SCHIP1: variants seen among roughly 807,000 people sequenced by gnomAD.
SCHIP1 encodes schwannomin-interacting protein 1.
In SCHIP1, 8 loss-of-function variants were observed where a neutral mutation model predicts 29.7. The ratio of observed to expected loss-of-function variants is 0.27; its 90% CI spans 0.16 to 0.49. The LOEUF is 0.49. Among genes scored for constraint, SCHIP1 ranks in the 20% least tolerant of loss-of-function variants. The probability of loss-of-function intolerance (pLI) is 0.99; values close to 1 mark genes in which losing one functional copy is unlikely to be tolerated. For synonymous variants in SCHIP1, 76 were observed against 94.9 expected, an observed-to-expected ratio of 0.80 and a Z score of 1.16; for missense variants, 193 against 294.6, an observed-to-expected ratio of 0.66 and a Z score of 2.52.
At chr3:159,746,971 T>C in the SCHIP1 span, among the ~76,000 whole-genome samples, 267 of 152,310 alleles carry the variant, frequency 1.8e-3, no homozygotes, top group African/African-American at 6.3e-3. Context: ...ACCTTTTCCA[T>C]AGCACTCTTT....
the SCHIP1 span, among the ~76,000 whole-genome samples, chr3:159,717,262 G>T: frequency 6.6e-3 from 1,005 of 152,226 alleles, 24 homozygotes; most frequent in East Asian, 0.064. Flanking sequence ...AGCACTAAAT[G>T]CCCACAAGAG....
chr3:159,695,447 G>A, the SCHIP1 span, among the ~76,000 whole-genome samples: 61 of 152,110 alleles, frequency 4.0e-4, no homozygotes, highest in African/African-American at 1.0e-3. Flanking sequence ...CCAATCCTGC[G>A]TTCTACCTTC....
the SCHIP1 span, among the ~76,000 whole-genome samples, chr3:159,419,835 A>G: frequency 6.6e-6 from 1 of 152,182 alleles, no homozygotes; most frequent in Admixed American, 6.5e-5. Context: ...ATGATATCTT[A>G]TAATTGTGGA....
chr3:159,896,169 G>A (rs1187345211), intron 6 of SCHIP1, among the ~76,000 whole-genome samples: 1 of 152,194 alleles, frequency 6.6e-6, no homozygotes, highest in African/African-American at 2.4e-5. Flanking sequence ...TTGGCTCCAG[G>A]TTTCTGTCAG....
At chr3:159,712,918 G>A in the SCHIP1 span, among the ~76,000 whole-genome samples, 181 of 151,658 alleles carry the variant, frequency 1.2e-3, no homozygotes, top group African/African-American at 4.3e-3. Flanking sequence ...TCCCACTTTG[G>A]GAGGCCAAGG....
the SCHIP1 span, among the ~76,000 whole-genome samples, chr3:159,493,207 A>C: frequency 6.6e-6 from 1 of 152,194 alleles, no homozygotes; most frequent in Non-Finnish European, 1.5e-5. Flanking sequence ...CGAGCAAAAT[A>C]ACCAGCTAAC....
At chr3:159,644,118 C>T in the SCHIP1 span, among the ~76,000 whole-genome samples, 1 of 152,188 alleles carries the variant, frequency 6.6e-6, no homozygotes, top group East Asian at 1.9e-4. Flanking sequence ...CCTGCCCACC[C>T]ATTTTCCTCA....
chr3:159,436,558 G>A, the SCHIP1 span, among the ~76,000 whole-genome samples: 1 of 152,070 alleles, frequency 6.6e-6, no homozygotes, highest in Non-Finnish European at 1.5e-5. Context: ...AAATACTAAT[G>A]GCTGAAATAA....
chr3:159,810,340 C>T, the SCHIP1 span, among the ~76,000 whole-genome samples: 4 of 152,194 alleles, frequency 2.6e-5, no homozygotes, highest in African/African-American at 7.2e-5. Context: ...CCACCACGCC[C>T]GGCCTCAAAT....
the SCHIP1 span, among the ~76,000 whole-genome samples, chr3:159,710,212 C>CT: frequency 1.3e-5 from 2 of 151,232 alleles, no homozygotes; most frequent in African/African-American, 2.4e-5. Flanking sequence ...AGATGAATTG[C>CT]TTTTTTTTTA....
chr3:159,722,737 G>C, the SCHIP1 span, among the ~76,000 whole-genome samples: 1 of 152,078 alleles, frequency 6.6e-6, no homozygotes, highest in East Asian at 1.9e-4. Flanking sequence ...TAAATAAACA[G>C]GTTGCCTATT....
the SCHIP1 span, among the ~76,000 whole-genome samples, chr3:159,756,607 C>T: frequency 6.6e-6 from 1 of 152,208 alleles, no homozygotes; most frequent in Non-Finnish European, 1.5e-5. Context: ...GTTACTTATG[C>T]AAATTTCTGC....
the SCHIP1 span, among the ~76,000 whole-genome samples, chr3:159,499,849 C>G: frequency 6.6e-6 from 1 of 152,178 alleles, no homozygotes; most frequent in Non-Finnish European, 1.5e-5. Flanking sequence ...AACTGAGGCT[C>G]AAAGAAGCTA....
the SCHIP1 span, among the ~76,000 whole-genome samples, chr3:159,297,613 A>G: frequency 6.6e-6 from 1 of 152,120 alleles, no homozygotes; most frequent in Non-Finnish European, 1.5e-5. Context: ...TTTTTTTAAA[A>G]AAAAGATATG....
At chr3:159,768,869 T>C in the SCHIP1 span, among the ~76,000 whole-genome samples, 1 of 152,162 alleles carries the variant, frequency 6.6e-6, no homozygotes, top group Admixed American at 6.5e-5. Flanking sequence ...GCAGAGAGGG[T>C]GAGGGGCTCT....
At chr3:159,451,620 A>ATTTG in the SCHIP1 span, among the ~76,000 whole-genome samples, 1 of 152,238 alleles carries the variant, frequency 6.6e-6, no homozygotes, top group Non-Finnish European at 1.5e-5. Context: ...TGGCATCTGA[A>ATTTG]TTTGTCAACA....
chr3:159,426,559 A>G, the SCHIP1 span, among the ~76,000 whole-genome samples: 37 of 152,334 alleles, frequency 2.4e-4, no homozygotes, highest in East Asian at 3.7e-3. Flanking sequence ...ACCAACGAAA[A>G]AGAGTCCAGG....
chr3:159,544,852 T>A, the SCHIP1 span, among the ~76,000 whole-genome samples: 1 of 152,136 alleles, frequency 6.6e-6, no homozygotes, highest in Non-Finnish European at 1.5e-5. Context: ...AAACTTTTAA[T>A]GTAGTCAATG....
chr3:159,765,555 C>T, the SCHIP1 span: 6 of 182,200 alleles, frequency 3.3e-5, no homozygotes, highest in African/African-American at 7.2e-5. Context: ...GCTCTCCTCT[C>T]GTTGCCACTA....
Sources: allele counts gnomAD v4.1 joint callset (sites outside exome capture counted in the v4.1 genomes callset), GRCh38; gene constraint gnomAD v4.1.1; transcripts MANE v1.5; gene names NCBI Gene and HGNC (gene_info 2026-07-23, HGNC 2026-07-21).